Variants in HIVEP1 observed in about 807,000 individuals in gnomAD.
The protein encoded by HIVEP1 is HIVEP zinc finger 1.
A neutral mutation model predicts 180.0 loss-of-function variants in HIVEP1; 36 were observed. The ratio of observed to expected loss-of-function variants is 0.20; its 90% confidence interval spans 0.15 to 0.26. The LOEUF (loss-of-function observed/expected upper bound fraction) is 0.26, where lower values mean the gene tolerates loss of function less well. HIVEP1 is among the 10% of genes least tolerant of loss of function. The pLI, the probability that HIVEP1 is intolerant of heterozygous loss-of-function variation, is 1.00. For synonymous variants in HIVEP1, 1,239 were observed against 1,239.0 expected (o/e 1.00, Z 0.00); for missense variants, 3,143 against 3,268.7 (o/e 0.96, Z 0.94).
chr6:12,033,707 A>G (rs1769102783), intron 2 of HIVEP1, among the ~76,000 whole-genome samples: 1 of 152,144 alleles, frequency 6.6e-6, no homozygotes, highest in South Asian at 2.1e-4. Flanking sequence ...TTATCTTACT[A>G]TTTTACTTAC....
chr6:12,119,660 T>C (rs1775437588), intron 3 of HIVEP1, among the ~76,000 whole-genome samples: 1 of 152,250 alleles, frequency 6.6e-6, no homozygotes, highest in South Asian at 2.1e-4. Context: ...ATAAGCATTC[T>C]AGAAATGCAC....
intron 2 of HIVEP1, among the ~76,000 whole-genome samples, chr6:12,081,797 A>G (rs1772806762): frequency 1.3e-5 from 2 of 152,122 alleles, no homozygotes; most frequent in South Asian, 4.1e-4. Context: ...TTTTAAGCTC[A>G]GGAGTTTGTA....
chr6:12,050,968 G>A (rs1265303536), intron 2 of HIVEP1, among the ~76,000 whole-genome samples: 2 of 124,906 alleles, frequency 1.6e-5, no homozygotes, highest in African/African-American at 2.9e-5. Flanking sequence ...TTCAGTGGAC[G>A]CTGAGTGCAT....
rs200556119 is a variant in HIVEP1 at position 12,122,468 on chromosome 6, G to A, written c.2673G>A (p.Gly891=). The part of the protein sequence containing the change: ...SGPNAPVPQS[G]HPRTLVRQAA... ...CTAACGCTCCTGTGCCCCAGAGTGG[G>A]CATCCCCGTACACTTGTGAGACAAG... The change falls in exon 4 of 9, where the codon GGG becomes GGA. Residue 891 remains glycine (G), a synonymous_variant. Transcript: ENST00000379388. 32 of 1,614,210 alleles carry A rather than the reference G, an allele frequency of 2.0e-5. No homozygotes were observed. The African/African-American group carries it at 2.4e-4, about 12-fold the overall frequency.
At chr6:12,087,171 A>G (rs1773171273) in intron 2 of HIVEP1, among the ~76,000 whole-genome samples, 1 of 152,258 alleles carries the variant, frequency 6.6e-6, no homozygotes, top group Admixed American at 6.5e-5. Context: ...ATAAAAAGGT[A>G]ACTTAGTTGA....
chr6:12,126,027 C>G (rs1031625904), intron 4 of HIVEP1, among the ~76,000 whole-genome samples, 157 bp downstream of exon 4: 5 of 152,064 alleles, frequency 3.3e-5, no homozygotes, highest in Non-Finnish European at 5.9e-5. Flanking sequence ...ATATTTACCC[C>G]AGGAGTTACA....
Position 12,139,783 on chromosome 6 carries a change from G to A in HIVEP1, c.6487+3891G>A, listed in dbSNP as rs1758910891. On this transcript the variant is annotated intron_variant, in intron 7 of 8. Transcript: ENST00000379388. Reference sequence around the variant, plus strand: ...CTGTGAGGCAGCAGCCTGGCAGAGGGAGTGGCATCTGCCATTGCTGAGGCT... The same window carrying A: ...CTGTGAGGCAGCAGCCTGGCAGAGGAAGTGGCATCTGCCATTGCTGAGGCT... Among the ~76,000 whole-genome samples the A allele has an allele frequency of 2.0e-5, 3 of 152,260 alleles. No individual in the cohort carries two copies. The South Asian group carries it at 6.2e-4, about 31-fold the overall frequency.
the HIVEP1 span, among the ~76,000 whole-genome samples, chr6:12,204,180 C>G: frequency 1.3e-5 from 2 of 152,174 alleles, no homozygotes; most frequent in Non-Finnish European, 2.9e-5. Flanking sequence ...GAGGACACTT[C>G]CATGCAGACA....
rs1205603061 is a variant in HIVEP1, at chr6:12,121,556, T to G, written c.1761T>G (p.Leu587=). Residue 587 remains leucine, a synonymous_variant, in exon 4 of 9, where the codon CTT becomes CTG. Transcript: ENST00000379388. The surrounding 1 kb of genome is among the most constrained non-coding windows in gnomAD (Gnocchi z 5.3). ...SPKAMDPKPE[L]SSAQKQKDLQ... Reference sequence around the variant, plus strand: ...AGGCCATGGATCCCAAGCCTGAACTTTCTAGTGCACAAAAGCAGAAGGACC... The same window carrying G: ...AGGCCATGGATCCCAAGCCTGAACTGTCTAGTGCACAAAAGCAGAAGGACC... 6.2e-7 allele frequency: 1 copy of G among 1,614,014 alleles called. No individual in the cohort carries two copies. Among genetic ancestry groups the G allele is most frequent in the East Asian group, 2.2e-5 (1 of 44,868 alleles).
intron 2 of HIVEP1, among the ~76,000 whole-genome samples, 194 bp from the exon 3 acceptor site, chr6:12,088,990 G>T (rs572304427): frequency 6.6e-6 from 1 of 152,104 alleles, no homozygotes; most frequent in Admixed American, 6.5e-5. Flanking sequence ...TAGTCCTTGT[G>T]ACTAAGAAAT....
intron 2 of HIVEP1, among the ~76,000 whole-genome samples, chr6:12,045,318 T>C (rs1770054352): frequency 6.6e-6 from 1 of 152,236 alleles, no homozygotes; most frequent in Non-Finnish European, 1.5e-5. Context: ...GCAGCTTTAT[T>C]TCACACCAGC....
At chr6:12,033,973 C>A (rs1396513761) in intron 2 of HIVEP1, among the ~76,000 whole-genome samples, 1 of 152,184 alleles carries the variant, frequency 6.6e-6, no homozygotes, top group Non-Finnish European at 1.5e-5. Context: ...ATCAGGAAGT[C>A]TCTGGTTAAA....
intron 7 of HIVEP1, among the ~76,000 whole-genome samples, chr6:12,153,562 T>G (rs1581794290): frequency 1.4e-5 from 1 of 72,526 alleles, no homozygotes; most frequent in Non-Finnish European, 2.5e-5. Context: ...TACAATAGAG[T>G]AAGAAATGCA....
chr6:12,095,198 C>T (rs1209284829), intron 3 of HIVEP1, among the ~76,000 whole-genome samples: 1 of 151,646 alleles, frequency 6.6e-6, no homozygotes, highest in Non-Finnish European at 1.5e-5. Context: ...TTTTATTTTG[C>T]CAACATCTGA....
Position 12,121,880 on chromosome 6 carries a change from G to T in HIVEP1, c.2085G>T (p.Arg695Ser), listed in dbSNP as rs758031727. The T allele has an allele frequency of 1.4e-5, 23 of 1,614,146 alleles. No individual in the cohort carries two copies. The South Asian group carries it at 2.3e-4, about 16-fold the overall frequency. Residue 695 changes from arginine to serine, a missense_variant, in exon 4 of 9, where the codon AGG becomes AGT. By Grantham distance (110) the Arg-to-Ser change is moderately radical. Around this residue, in one of 12 missense-constraint regions of HIVEP1, gnomAD observed 365 missense variants for 344.4 expected, o/e 1.06. Coordinates refer to ENST00000379388, the MANE Select transcript of HIVEP1 (RefSeq NM_002114.4). This position sits in a 1 kb window ranked among gnomAD's most constrained non-coding sequence, Gnocchi z 5.3. ...TVSPPTPFAR[R>S]LPSTEQDSGR... The stretch of plus-strand genomic sequence containing the variant: ...GTCCACCAACTCCCTTTGCCAGAAG[G>T]TTACCCAGCACAGAACAAGACTCTG...
chr6:12,127,565 GTGTGTAGAGTAGAGATTCTTT>G (rs1025000782), intron 4 of HIVEP1, among the ~76,000 whole-genome samples: 7 of 152,220 alleles, frequency 4.6e-5, no homozygotes, highest in East Asian at 1.9e-4. Flanking sequence ...CTGGATGGAA[GTGTGTAGAGTAGAGATTCTTT>G]TGTGTAGAGT....
At chr6:12,094,691 T>C (rs928263650) in intron 3 of HIVEP1, among the ~76,000 whole-genome samples, 1 of 152,048 alleles carries the variant, frequency 6.6e-6, no homozygotes, top group African/African-American at 2.4e-5. Flanking sequence ...GATTTGTTAA[T>C]ATTTTATTGA....
At chr6:12,104,396 T>TTGTC (rs1554142983) in intron 3 of HIVEP1, among the ~76,000 whole-genome samples, 1 of 126,582 alleles carries the variant, frequency 7.9e-6, no homozygotes, top group African/African-American at 2.9e-5. Flanking sequence ...CTCTCTTCGT[T>TTGTC]TCTCTCTCTC....
the HIVEP1 span, among the ~76,000 whole-genome samples, chr6:12,175,682 A>G: frequency 5.3e-5 from 8 of 152,356 alleles, no homozygotes; most frequent in African/African-American, 1.7e-4. Flanking sequence ...CAAGGCAGAA[A>G]TAAGTCAAAT....
Sources: gnomAD v4.1 joint callset for allele counts (sites outside exome capture counted in the v4.1 genomes callset) on GRCh38, gnomAD v4.1.1 for gene constraint, gnomAD v4.1.1 regional missense constraint, Gnocchi (gnomAD v3.1) non-coding constraint, MANE v1.5 for transcripts, NCBI Gene and HGNC (gene_info 2026-07-23, HGNC 2026-07-21) for gene names.